The following TMC1 variants were observed in gnomAD, a reference collection of about 807,000 sequenced individuals.
TMC1 encodes the protein transmembrane channel-like protein 1.
In TMC1, 84 loss-of-function variants were observed where a neutral mutation model predicts 105.8. That is an observed-to-expected ratio of 0.79 (90% CI 0.67 to 0.95). The LOEUF (loss-of-function observed/expected upper bound fraction) is 0.95, where lower values mean the gene tolerates loss of function less well. TMC1 is among the 40% of genes least tolerant of loss of function. The pLI is 0.00. For synonymous variants in TMC1, 315 were observed against 311.5 expected, an observed-to-expected ratio of 1.01 and a Z score of -0.12; for missense variants, 817 against 914.1, an observed-to-expected ratio of 0.89 and a Z score of 1.37.
intron 6 of TMC1, among the ~76,000 whole-genome samples, chr9:72,692,567 C>T (rs1826483646): frequency 1.3e-5 from 2 of 152,014 alleles, no homozygotes; most frequent in Non-Finnish European, 2.9e-5. Context: ...AGTTTTAATA[C>T]AAAAAATACT....
At chr9:72,746,494 C>A (rs1827491801) in intron 10 of TMC1, among the ~76,000 whole-genome samples, 2 of 152,200 alleles carry the variant, frequency 1.3e-5, no homozygotes, top group Admixed American at 1.3e-4. Flanking sequence ...CTGTTGCCTT[C>A]CATTCCCAAC....
intron 12 of TMC1, among the ~76,000 whole-genome samples, chr9:72,759,629 A>C (rs1827724163): frequency 6.6e-6 from 1 of 152,182 alleles, no homozygotes; most frequent in Non-Finnish European, 1.5e-5. Flanking sequence ...CTGACTCTGA[A>C]GCCTAGGACA....
At chr9:72,684,768 C>G (rs1028477797) in intron 5 of TMC1, among the ~76,000 whole-genome samples, 1 of 152,148 alleles carries the variant, frequency 6.6e-6, no homozygotes, top group Non-Finnish European at 1.5e-5. Context: ...CTACAGTCTT[C>G]CATCTTCTTT....
rs1587998571 is a variant in TMC1, at chr9:72,627,897, GA to G, written c.-195-23del. The G allele has an allele frequency of 1.3e-5, 5 of 377,576 alleles. No individual in the cohort carries two copies. In the East Asian group the frequency reaches 3.8e-4, roughly 29 times the overall value. 23.4% of individuals were successfully genotyped at this position (377,576 alleles called of 1,614,324 possible). ...CTATTATTTTTAAAAATCTGTATTG[GA>G]TTTTTTTTTTTTCATATTTTAGGAT... On this transcript the variant is annotated intron_variant, in intron 3 of 23. Transcript: ENST00000297784.
chr9:72,571,340 A>G (rs1412385040), intron 1 of TMC1, among the ~76,000 whole-genome samples: 2 of 149,790 alleles, frequency 1.3e-5, no homozygotes. Context: ...AGAAAAGAAA[A>G]GTAAGAAAAC....
intron 3 of TMC1, among the ~76,000 whole-genome samples, chr9:72,623,535 C>G (rs889071420): frequency 6.6e-6 from 1 of 152,106 alleles, no homozygotes; most frequent in Non-Finnish European, 1.5e-5. Context: ...GATCTTTAAT[C>G]CAGAAAACCT....
At chr9:72,578,265 CGTGTGTGTGTGTGTGTGTGT>C (rs67476636) in intron 2 of TMC1, 2 of 147,680 alleles carry the variant, frequency 1.4e-5, no homozygotes, top group African/African-American at 2.5e-5. Context: ...CGCGCGCACG[CGTGTGTGTGTGTGTGTGTGT>C]GTGTGTGTGT....
intron 2 of TMC1, among the ~76,000 whole-genome samples, chr9:72,607,029 A>AG (rs1243107392): frequency 5.3e-5 from 8 of 151,798 alleles, no homozygotes; most frequent in African/African-American, 1.9e-4. Flanking sequence ...AGAGAGAGAA[A>AG]GAGAACTTAG....
At chr9:72,792,148 T>A in intron 16 of TMC1, 43 bp from the exon 17 acceptor site, 4 of 1,613,948 alleles carry the variant, frequency 2.5e-6, no homozygotes, top group Non-Finnish European at 3.4e-6. Context: ...GCCTTTGAAA[T>A]CTCTGTTGTC....
chr9:72,555,629 CT>C (rs900220198), intron 1 of TMC1, among the ~76,000 whole-genome samples: 57 of 149,852 alleles, frequency 3.8e-4, no homozygotes, highest in African/African-American at 1.2e-3. Flanking sequence ...GGACTTAACT[CT>C]TTTTTTTTGA....
intron 8 of TMC1, among the ~76,000 whole-genome samples, chr9:72,719,125 C>T (rs1798199893): frequency 6.6e-6 from 1 of 152,202 alleles, no homozygotes; most frequent in Non-Finnish European, 1.5e-5. Context: ...TACCAGCCTC[C>T]TGGTTGAGAA....
In TMC1 at chr9:72,763,085, CTTTTTTT is replaced by C. The variant is rs148498655; in HGVS notation, c.741+8217_741+8223del. Among the ~76,000 whole-genome samples, 49 of 109,496 alleles carry C rather than the reference CTTTTTTT, an allele frequency of 4.5e-4. 1 individual carries two copies. The highest frequency in any genetic ancestry group is 2.5e-4 in the African/African-American group (7 of 28,496). The allele number at this position is 109,496 out of a possible 152,430, so 71.8% of individuals were successfully genotyped here. ...TTAAGGTCTGAAGTCCTAGCGATGC[CTTTTTTT>C]TTTTTTTTTTTTTTTGCTTTAGTAA... On this transcript the variant is annotated intron_variant, in intron 12 of 23. Coordinates refer to ENST00000297784, the MANE Select transcript of TMC1 (RefSeq NM_138691.3).
chr9:72,806,573 C>A (rs1199852813), intron 18 of TMC1, among the ~76,000 whole-genome samples: 2 of 149,392 alleles, frequency 1.3e-5, no homozygotes, highest in African/African-American at 5.0e-5. Flanking sequence ...AGGGTCTCCT[C>A]ACTTCTCAGA....
chr9:72,819,694 C>T (rs1001134755), intron 19 of TMC1, among the ~76,000 whole-genome samples: 1 of 152,072 alleles, frequency 6.6e-6, no homozygotes, highest in Admixed American at 6.5e-5. Context: ...ATTTCTTCAT[C>T]TAAATTAAAA....
intron 18 of TMC1, among the ~76,000 whole-genome samples, chr9:72,813,883 T>C (rs1425630101): frequency 6.6e-6 from 1 of 152,192 alleles, no homozygotes; most frequent in African/African-American, 2.4e-5. Flanking sequence ...ATCCACTTGG[T>C]CCAGTATGGC....
At chr9:72,523,545 A>C (rs7871472) in intron 1 of TMC1, among the ~76,000 whole-genome samples, 87,454 of 152,006 alleles carry the variant, frequency 0.58, 27,122 homozygotes, top group African/African-American at 0.82. Flanking sequence ...GGAAGAAAAA[A>C]TATATTTACT....
intron 13 of TMC1, among the ~76,000 whole-genome samples, chr9:72,777,809 G>T (rs192919432): frequency 6.6e-6 from 1 of 152,208 alleles, no homozygotes; most frequent in Non-Finnish European, 1.5e-5. Context: ...GAACTAAACA[G>T]TGATAGAATA....
intron 18 of TMC1, among the ~76,000 whole-genome samples, chr9:72,806,273 C>G (rs1401062562): frequency 6.7e-6 from 1 of 148,952 alleles, no homozygotes; most frequent in Non-Finnish European, 1.5e-5. Flanking sequence ...GGCAGAGGGG[C>G]TCCTCACTTC....
chr9:72,661,918 C>A (rs1788912499), intron 5 of TMC1, among the ~76,000 whole-genome samples: 2 of 152,218 alleles, frequency 1.3e-5, no homozygotes, highest in East Asian at 1.9e-4. Context: ...CATGGGGAAC[C>A]AGATTATGAT....
Sources: gnomAD v4.1 joint callset for allele counts (sites outside exome capture counted in the v4.1 genomes callset) on GRCh38, gnomAD v4.1.1 for gene constraint, MANE v1.5 for transcripts, NCBI Gene and HGNC (gene_info 2026-07-23, HGNC 2026-07-21) for gene names.